ECE1: variants seen among roughly 807,000 people sequenced by gnomAD.
ECE1 encodes endothelin-converting enzyme 1.
Under a neutral mutation model 98.6 loss-of-function variants are expected in ECE1, and 35 were observed. That is an observed-to-expected ratio of 0.35 (90% CI 0.27 to 0.47). The LOEUF (loss-of-function observed/expected upper bound fraction) is 0.47. Among genes scored for constraint, ECE1 ranks in the 20% least tolerant of loss-of-function variants. The pLI, the probability that ECE1 is intolerant of heterozygous loss-of-function variation, is 1.00. For missense variants in ECE1, 814 were observed against 1,025.3 expected (o/e 0.79, Z 2.81); for synonymous variants, 394 against 407.1 (o/e 0.97, Z 0.39).
intron 11 of ECE1, 88 bp from the exon 12 acceptor site, chr1:21,236,932 G>A: frequency 8.1e-7 from 1 of 1,239,286 alleles, no homozygotes; most frequent in South Asian, 1.2e-5. Context: ...ATGATGGCCA[G>A]AGATTAAACT....
rs11293119 is a variant in ECE1 at position 21,225,695 on chromosome 1, CTTTT to C, written c.1850-259_1850-256del. 1.5e-5 allele frequency among the ~76,000 whole-genome samples: 2 copies of C among 137,302 alleles called. No homozygotes were observed. Among genetic ancestry groups the C allele is most frequent in the South Asian group, 2.3e-4 (1 of 4,324 alleles). The allele number at this position is 137,302 out of a possible 152,430, so 90.1% of individuals were successfully genotyped here. ...CAGTGGGGCTTGCTTTGTTTTCTTT[CTTTT>C]TTTTTTTTTTTTGAGACAGTCTCAC... is the stretch of plus-strand genomic sequence containing the variant. On this transcript the variant is annotated intron_variant, in intron 16 of 18. Transcript: ENST00000374893. The surrounding 1 kb of genome is among the most constrained non-coding windows in gnomAD (Gnocchi z 5.3).
At chr1:21,256,885 A>G (rs189199391) in intron 7 of ECE1, among the ~76,000 whole-genome samples, 4 of 152,218 alleles carry the variant, frequency 2.6e-5, no homozygotes, top group East Asian at 1.9e-4. Context: ...GACGAAGGCT[A>G]TGGTGGTCTT....
At chr1:21,290,636 C>G, upstream of ECE1, 1 of 1,019,984 alleles carries the variant, frequency 9.8e-7, no homozygotes. This position sits in a 1 kb window ranked among gnomAD's most constrained non-coding sequence, Gnocchi z 7.3. Context: ...ACTGAAGCCC[C>G]TAGCAGGCAG....
At chr1:21,229,416 T>C (rs929600698) in intron 14 of ECE1, among the ~76,000 whole-genome samples, 4 of 152,122 alleles carry the variant, frequency 2.6e-5, no homozygotes, top group Non-Finnish European at 5.9e-5. Context: ...ATTCTGCTTC[T>C]TTCCTGGAAC....
chr1:21,280,672 C>A (rs1356528664), intron 2 of ECE1, among the ~76,000 whole-genome samples: 1 of 152,202 alleles, frequency 6.6e-6, no homozygotes, highest in Non-Finnish European at 1.5e-5. Context: ...CCTGCAACGG[C>A]CCCACCAACA....
intron 10 of ECE1, among the ~76,000 whole-genome samples, chr1:21,242,024 T>TCCTC (rs1278209820): frequency 6.6e-6 from 1 of 152,046 alleles, no homozygotes. Flanking sequence ...AGGGGTTCCT[T>TCCTC]CCTCCCTGCT....
Position 21,279,274 on chromosome 1 carries a change from T to C in ECE1, c.197A>G (p.Glu66Gly). ...QRCWAARTQV[E>G]KRLVVLVVLL... ...TACCACCAACACCACCAGCCGCTTC[T>C]CCACCTGGGTCCGTGCAGCCCAGCA... The change falls in exon 3 of 19, where the codon GAG (glutamate) becomes GGG (glycine). Residue 66 changes from glutamate to glycine, a missense_variant. Physicochemically the swap from Glu to Gly is moderately conservative, Grantham distance 98. Coordinates refer to ENST00000374893, the MANE Select transcript of ECE1 (RefSeq NM_001397.3). 1 of 1,614,130 alleles carries C rather than the reference T, an allele frequency of 6.2e-7. No individual in the cohort carries two copies. Among genetic ancestry groups the C allele is most frequent in the Non-Finnish European group, 8.5e-7 (1 of 1,180,020 alleles).
At chr1:21,297,530 C>CTTTT (rs768958507) in intron 1 of ECE1, among the ~76,000 whole-genome samples, 3 of 116,186 alleles carry the variant, frequency 2.6e-5, no homozygotes, top group Non-Finnish European at 5.3e-5. Context: ...TTTTCTTTTT[C>CTTTT]TTTTTTTTTT....
At chr1:21,288,301 C>T (rs2098262836) in intron 2 of ECE1, among the ~76,000 whole-genome samples, 1 of 152,202 alleles carries the variant, frequency 6.6e-6, no homozygotes, top group African/African-American at 2.4e-5. Context: ...CCACGCCAGC[C>T]CTTACTTCAT....
Position 21,258,598 on chromosome 1 carries a change from GGGCAAGCCCCTCTC to G in ECE1, c.762+81_762+94del. The G allele has an allele frequency of 6.5e-6, 4 of 616,658 alleles. No individual in the cohort carries two copies. Among genetic ancestry groups the G allele is most frequent in the Non-Finnish European group, 1.2e-5 (4 of 339,458 alleles). The allele number at this position is 616,658 out of a possible 1,614,324, so 38.2% of individuals were successfully genotyped here. A position where few individuals can be genotyped will look rare whatever the true frequency, so the allele number is the denominator to read the frequency against. On this transcript the variant is annotated intron_variant, in intron 6 of 18. Transcript: ENST00000374893. This position sits in a 1 kb window ranked among gnomAD's most constrained non-coding sequence, Gnocchi z 4.2. ...AACTAGAAGACCGCCGTCCCACCCAGGGCAAGCCCCTCTCCCACCCCAGGTCCTGCTAAACTCAA... is the reference window on the plus strand; with the variant it reads ...AACTAGAAGACCGCCGTCCCACCCAGCCACCCCAGGTCCTGCTAAACTCAA...
chr1:21,245,879 G>C (rs1358127343), intron 9 of ECE1, among the ~76,000 whole-genome samples: 1 of 151,964 alleles, frequency 6.6e-6, no homozygotes, highest in Non-Finnish European at 1.5e-5. Flanking sequence ...TTAGAAAACC[G>C]ATCTCTCTTT....
intron 3 of ECE1, among the ~76,000 whole-genome samples, chr1:21,275,668 G>C (rs994921749): frequency 6.6e-6 from 1 of 152,218 alleles, no homozygotes; most frequent in Non-Finnish European, 1.5e-5. Context: ...CATTGGGCTA[G>C]GGACCTACGA....
intron 14 of ECE1, among the ~76,000 whole-genome samples, chr1:21,229,669 G>T (rs1368930051): frequency 6.6e-6 from 1 of 152,130 alleles, no homozygotes; most frequent in African/African-American, 2.4e-5. Flanking sequence ...ATAATGGAAG[G>T]TTTTTCTCAA....
In ECE1 at chr1:21,236,670, G is replaced by A. The variant is rs13306310; in HGVS notation, c.1488+76C>T. 6,153 of 1,380,716 alleles carry A rather than the reference G, an allele frequency of 4.5e-3. 186 individuals carry two copies. The East Asian group carries it at 0.076, about 17-fold the overall frequency. The allele number at this position is 1,380,716 out of a possible 1,614,324, so 85.5% of individuals were successfully genotyped here. ...GCCTCAAAAAACAAACAAAAAAACC[G>A]GCCTCTCCTTCCCCCACCCTCCTCT... On this transcript the variant is annotated intron_variant, in intron 12 of 18. Transcript: ENST00000374893.
chr1:21,305,777 A>G (rs1035285537), intron 1 of ECE1, among the ~76,000 whole-genome samples: 1 of 152,188 alleles, frequency 6.6e-6, no homozygotes, highest in African/African-American at 2.4e-5. Flanking sequence ...GGAAAAATCT[A>G]CGTTCGCCCC....
chr1:21,316,181 C>T (rs1408733889), intron 1 of ECE1, among the ~76,000 whole-genome samples: 2 of 152,200 alleles, frequency 1.3e-5, no homozygotes, highest in Non-Finnish European at 2.9e-5. Context: ...GGTTTTTCAC[C>T]CTCAGAACAG....
At chr1:21,270,979 A>T (rs1401532639) in intron 4 of ECE1, among the ~76,000 whole-genome samples, 1 of 152,220 alleles carries the variant, frequency 6.6e-6, no homozygotes, top group Non-Finnish European at 1.5e-5. Context: ...CTTGAGTTCC[A>T]GTCTTGCAAT....
At chr1:21,328,764 G>GAAAAA (rs35883969) in intron 1 of ECE1, among the ~76,000 whole-genome samples, 2 of 50,200 alleles carry the variant, frequency 4.0e-5, no homozygotes, top group Non-Finnish European at 7.9e-5. Context: ...CCTCCATCTC[G>GAAAAA]AAAAAAAAAA....
intron 1 of ECE1, among the ~76,000 whole-genome samples, chr1:21,325,074 T>C (rs1639049467): frequency 6.6e-6 from 1 of 152,116 alleles, no homozygotes; most frequent in Non-Finnish European, 1.5e-5. Flanking sequence ...CGTTACACAA[T>C]AGAGGGGGGT....
Sources: gnomAD v4.1 joint callset for allele counts (sites outside exome capture counted in the v4.1 genomes callset) on GRCh38, gnomAD v4.1.1 for gene constraint, Gnocchi (gnomAD v3.1) non-coding constraint, MANE v1.5 for transcripts, NCBI Gene and HGNC (gene_info 2026-07-23, HGNC 2026-07-21) for gene names.